The following CRPPA variants were observed in gnomAD, a reference collection of about 807,000 sequenced individuals.
CRPPA encodes D-ribitol-5-phosphate cytidylyltransferase.
A neutral mutation model predicts 52.0 loss-of-function variants in CRPPA; 43 were observed. That is an observed-to-expected ratio of 0.83 (90% confidence interval 0.65 to 1.07). The LOEUF is 1.07. CRPPA is among the 50% of genes least tolerant of loss of function. The probability of loss-of-function intolerance (pLI) is 0.00; values close to 1 mark genes in which losing one functional copy is unlikely to be tolerated. For missense variants in CRPPA, 629 were observed against 551.7 expected, an observed-to-expected ratio of 1.14 and a Z score of -1.40; for synonymous variants, 250 against 203.5, an observed-to-expected ratio of 1.23 and a Z score of -1.94.
intron 5 of CRPPA, among the ~76,000 whole-genome samples, chr7:16,293,261 CTT>C (rs1271222808): frequency 1.3e-5 from 2 of 151,924 alleles, no homozygotes; most frequent in African/African-American, 4.8e-5. Flanking sequence ...GTACTGACCT[CTT>C]GAGTCAAAGT....
At chr7:16,281,660 C>T (rs1378524955) in intron 5 of CRPPA, among the ~76,000 whole-genome samples, 1 of 152,106 alleles carries the variant, frequency 6.6e-6, no homozygotes, top group African/African-American at 2.4e-5. Flanking sequence ...AGAAAGTGTG[C>T]AAGATTGGTG....
chr7:16,196,595 TCAAAGA>T (rs1226465545), intron 9 of CRPPA, among the ~76,000 whole-genome samples: 1 of 152,144 alleles, frequency 6.6e-6, no homozygotes, highest in East Asian at 1.9e-4. Context: ...GCTAGCAAAT[TCAAAGA>T]CAAACAATGT....
chr7:16,230,036 C>T (rs1025914321), intron 8 of CRPPA, among the ~76,000 whole-genome samples: 2 of 151,632 alleles, frequency 1.3e-5, no homozygotes, highest in Non-Finnish European at 2.9e-5. Context: ...TTTATGTTAT[C>T]TGCTTCCTTT....
chr7:16,380,575 T>C (rs949244961), intron 2 of CRPPA, among the ~76,000 whole-genome samples: 3 of 152,146 alleles, frequency 2.0e-5, no homozygotes, highest in African/African-American at 4.8e-5. Context: ...GTACCAGTTC[T>C]TCCTTGTACC....
chr7:16,176,421 T>C (rs1490051177), intron 9 of CRPPA, among the ~76,000 whole-genome samples: 1 of 152,132 alleles, frequency 6.6e-6, no homozygotes, highest in South Asian at 2.1e-4. Flanking sequence ...CATAAAGAGA[T>C]GTTCAATCTC....
At chr7:16,161,346 G>T (rs1296615385) in intron 9 of CRPPA, among the ~76,000 whole-genome samples, 1 of 152,128 alleles carries the variant, frequency 6.6e-6, no homozygotes, top group Non-Finnish European at 1.5e-5. Flanking sequence ...TTATTATTTT[G>T]AGATATGTTC....
intron 9 of CRPPA, among the ~76,000 whole-genome samples, chr7:16,173,734 A>C (rs1781239897): frequency 6.6e-6 from 1 of 152,184 alleles, no homozygotes; most frequent in African/African-American, 2.4e-5. Context: ...CCCTACAGAA[A>C]AAATGGTTAC....
chr7:16,283,148 A>G (rs1436315403), intron 5 of CRPPA, among the ~76,000 whole-genome samples: 2 of 151,754 alleles, frequency 1.3e-5, no homozygotes, highest in Non-Finnish European at 2.9e-5. Flanking sequence ...GGGGATTACA[A>G]AAGGGTCTAT....
intron 5 of CRPPA, among the ~76,000 whole-genome samples, chr7:16,279,050 T>C (rs1374991293): frequency 6.6e-6 from 1 of 152,190 alleles, no homozygotes; most frequent in Non-Finnish European, 1.5e-5. Context: ...GCATCCTATA[T>C]GGAAATTGCC....
chr7:16,374,256 G>C (rs561583014), intron 3 of CRPPA, among the ~76,000 whole-genome samples: 1 of 152,196 alleles, frequency 6.6e-6, no homozygotes, highest in Admixed American at 6.5e-5. Flanking sequence ...AAGTCTTCTG[G>C]CTATCATCTT....
At chr7:16,265,735 T>C (rs555030189) in intron 6 of CRPPA, among the ~76,000 whole-genome samples, 2 of 152,346 alleles carry the variant, frequency 1.3e-5, no homozygotes, top group East Asian at 1.9e-4. Flanking sequence ...AATACATTTA[T>C]TGAGGCTTTA....
At chr7:16,162,998 G>C (rs992660395) in intron 9 of CRPPA, among the ~76,000 whole-genome samples, 4 of 137,550 alleles carry the variant, frequency 2.9e-5, no homozygotes, top group African/African-American at 1.1e-4. Flanking sequence ...TTTTGAGACG[G>C]AGTCTCGCTC....
intron 9 of CRPPA, among the ~76,000 whole-genome samples, chr7:16,119,442 A>G (rs1782441003): frequency 6.6e-6 from 1 of 152,224 alleles, no homozygotes; most frequent in Non-Finnish European, 1.5e-5. Flanking sequence ...TAAAAAAACA[A>G]ACAAAAAAGA....
chr7:16,337,473 G>A (rs919010503), intron 3 of CRPPA, among the ~76,000 whole-genome samples: 3 of 151,942 alleles, frequency 2.0e-5, no homozygotes, highest in Non-Finnish European at 2.9e-5. Flanking sequence ...GTCCTAAGTG[G>A]CAAATTTATA....
intron 8 of CRPPA, among the ~76,000 whole-genome samples, chr7:16,256,113 C>T (rs1783632171): frequency 6.6e-6 from 1 of 152,010 alleles, no homozygotes; most frequent in Non-Finnish European, 1.5e-5. Context: ...ATCAAACAAC[C>T]CCATAAAAAA....
intron 3 of CRPPA, among the ~76,000 whole-genome samples, chr7:16,360,801 T>G (rs752164898): frequency 6.6e-6 from 1 of 152,110 alleles, no homozygotes; most frequent in Non-Finnish European, 1.5e-5. Context: ...TGGGGCAAAA[T>G]CTTCATGACT....
At chr7:16,418,730 G>A (rs1788253750) in intron 1 of CRPPA, among the ~76,000 whole-genome samples, 1 of 152,134 alleles carries the variant, frequency 6.6e-6, no homozygotes, top group Non-Finnish European at 1.5e-5. Flanking sequence ...TCTGTCCCAT[G>A]ATTCAATTAC....
At chr7:16,271,071 T>C (rs1050947225) in intron 6 of CRPPA, among the ~76,000 whole-genome samples, 1 of 152,058 alleles carries the variant, frequency 6.6e-6, no homozygotes, top group African/African-American at 2.4e-5. Context: ...TACACGTGAT[T>C]TTCAGTTACA....
chr7:16,172,002 T>C lies in CRPPA; in HGVS notation c.1251+44064A>G, dbSNP rs564369233. Among the ~76,000 whole-genome samples the C allele has an allele frequency of 5.3e-5, 8 of 152,306 alleles. No individual in the cohort carries two copies. In the East Asian group the frequency reaches 1.4e-3, roughly 26 times the overall value. ...TACAAGTAGCTATATTTTTCCTCAT[T>C]TTCTATTGAAAATGTCATTTCAGTT... is the stretch of plus-strand genomic sequence containing the variant. On this transcript the variant is annotated intron_variant, in intron 9 of 9. Transcript: ENST00000407010.
Sources: gnomAD v4.1 joint callset for allele counts (sites outside exome capture counted in the v4.1 genomes callset) on GRCh38, gnomAD v4.1.1 for gene constraint, MANE v1.5 for transcripts, NCBI Gene and HGNC (gene_info 2026-07-23, HGNC 2026-07-21) for gene names.